PCOLCE2: variants seen among roughly 807,000 people sequenced by gnomAD.
The protein encoded by PCOLCE2 is procollagen C-proteinase enhancer 2.
Under a neutral mutation model 47.0 loss-of-function variants are expected in PCOLCE2, and 42 were observed. That is an observed-to-expected ratio of 0.89 (90% CI 0.70 to 1.16). The LOEUF (loss-of-function observed/expected upper bound fraction) is 1.16, where lower values mean the gene tolerates loss of function less well. Ranked by LOEUF, PCOLCE2 falls within the 50% of genes most tolerant of loss-of-function variation. The pLI is 0.00. For missense variants in PCOLCE2, 500 were observed against 526.1 expected, an observed-to-expected ratio of 0.95 and a Z score of 0.49; for synonymous variants, 169 against 191.7, an observed-to-expected ratio of 0.88 and a Z score of 0.98.
chr3:142,840,802 G>A (rs550370104), intron 4 of PCOLCE2, among the ~76,000 whole-genome samples: 1 of 152,254 alleles, frequency 6.6e-6, no homozygotes, highest in Non-Finnish European at 1.5e-5. Context: ...AAGGCTGGGC[G>A]TGGTGGCTCA....
At chr3:142,848,869 C>T (rs1028682196) in intron 2 of PCOLCE2, among the ~76,000 whole-genome samples, 1 of 152,138 alleles carries the variant, frequency 6.6e-6, no homozygotes, top group African/African-American at 2.4e-5. Flanking sequence ...AATATCATTT[C>T]TTGGCCAGGC....
At chr3:142,841,145 T>A (rs910530277) in intron 4 of PCOLCE2, among the ~76,000 whole-genome samples, 1 of 149,742 alleles carries the variant, frequency 6.7e-6, no homozygotes, top group Non-Finnish European at 1.5e-5. Context: ...AAGAAGAAGA[T>A]AAAGGAAAAG....
chr3:142,833,632 C>T (rs2108189716), intron 5 of PCOLCE2, among the ~76,000 whole-genome samples: 1 of 152,254 alleles, frequency 6.6e-6, no homozygotes, highest in East Asian at 1.9e-4. Context: ...CATTACAAAC[C>T]ATATTGCTGA....
At chr3:142,831,199 G>A (rs1385639360) in intron 5 of PCOLCE2, among the ~76,000 whole-genome samples, 1 of 152,270 alleles carries the variant, frequency 6.6e-6, no homozygotes, top group African/African-American at 2.4e-5. Context: ...ATTGGGTCAT[G>A]AGGGCTCTGC....
At chr3:142,880,274 T>C (rs9829037) in intron 2 of PCOLCE2, among the ~76,000 whole-genome samples, 5,510 of 151,628 alleles carry the variant, frequency 0.036, 337 homozygotes, top group African/African-American at 0.13. Flanking sequence ...GATTGAAATT[T>C]AAGTCTCTAT....
chr3:142,861,087 C>G (rs1277840639), intron 2 of PCOLCE2, among the ~76,000 whole-genome samples: 2 of 152,222 alleles, frequency 1.3e-5, no homozygotes, highest in African/African-American at 4.8e-5. Context: ...TTATTCTGTA[C>G]TCAACACTTG....
chr3:142,863,352 G>A (rs1329015702), intron 2 of PCOLCE2, among the ~76,000 whole-genome samples: 3 of 152,142 alleles, frequency 2.0e-5, no homozygotes, highest in Admixed American at 1.3e-4. Context: ...AGGGACAGAG[G>A]GTGTCATAAG....
intron 2 of PCOLCE2, among the ~76,000 whole-genome samples, chr3:142,863,586 T>C (rs987848919): frequency 1.3e-5 from 2 of 152,096 alleles, no homozygotes; most frequent in Non-Finnish European, 2.9e-5. Flanking sequence ...CTCACAAATG[T>C]GTAGCCTCAA....
intron 2 of PCOLCE2, among the ~76,000 whole-genome samples, chr3:142,878,901 T>C (rs141751964): frequency 9.9e-5 from 15 of 151,630 alleles, no homozygotes; most frequent in African/African-American, 3.1e-4. Flanking sequence ...GCCCTTTAAA[T>C]GTTTCTCTGG....
rs1291717076 is a variant in PCOLCE2, at chr3:142,821,039, G to A, written c.956C>T (p.Ala319Val). Residue 319 changes from alanine to valine, a missense_variant, in exon 8 of 9, where the codon GCC (alanine) becomes GTC (valine). Ala to Val is a moderately conservative substitution (Grantham distance 64). Coordinates refer to ENST00000295992, the MANE Select transcript of PCOLCE2 (RefSeq NM_013363.4). ...GNYCSSDFVL[A>V]GTVITTITRD... ...AGTGATGGTTGTGATAACAGTGCCG[G>A]CTAATACTGCAGAAGAAAACATTTT... The A allele has an allele frequency of 2.5e-6, 4 of 1,599,960 alleles. No homozygotes were observed. The highest frequency in any genetic ancestry group is 1.1e-5 in the South Asian group (1 of 90,462).
intron 5 of PCOLCE2, among the ~76,000 whole-genome samples, chr3:142,833,320 C>T (rs1204853507): frequency 6.6e-6 from 1 of 151,954 alleles, no homozygotes; most frequent in African/African-American, 2.4e-5. Flanking sequence ...TCCCAAGTAG[C>T]GGGGATTACA....
intron 6 of PCOLCE2, chr3:142,827,607 C>T (rs372239118): frequency 1.8e-5 from 27 of 1,473,766 alleles, no homozygotes; most frequent in East Asian, 2.3e-5. Flanking sequence ...CCGCAATACA[C>T]AAACTGGCCC....
At chr3:142,873,265 T>C (rs1175462414) in intron 2 of PCOLCE2, among the ~76,000 whole-genome samples, 4 of 151,802 alleles carry the variant, frequency 2.6e-5, no homozygotes, top group Non-Finnish European at 5.9e-5. Flanking sequence ...TGGTGGCAGG[T>C]GCCTGTAATC....
At chr3:142,869,477 T>A (rs757627200) in intron 2 of PCOLCE2, among the ~76,000 whole-genome samples, 2 of 152,210 alleles carry the variant, frequency 1.3e-5, no homozygotes, top group Non-Finnish European at 2.9e-5. Flanking sequence ...ATCTACATTC[T>A]GTAGAAAATC....
chr3:142,841,615 A>G (rs1453348216), intron 4 of PCOLCE2, among the ~76,000 whole-genome samples: 3 of 152,262 alleles, frequency 2.0e-5, no homozygotes, highest in Admixed American at 1.3e-4. Context: ...AAATGGCCAT[A>G]TATTTCTTCT....
chr3:142,843,320 G>A, intron 3 of PCOLCE2: 1 of 505,074 alleles, frequency 2.0e-6, no homozygotes, highest in African/African-American at 1.9e-5. Context: ...CTTAGACAAG[G>A]AAGACAAAAC....
intron 3 of PCOLCE2, among the ~76,000 whole-genome samples, chr3:142,844,718 G>C (rs904429709): frequency 6.6e-6 from 1 of 152,076 alleles, no homozygotes; most frequent in African/African-American, 2.4e-5. Flanking sequence ...CAAGTGTTTT[G>C]CCAATTTTTA....
At chr3:142,843,481 GAT>G (rs1006051480) in intron 3 of PCOLCE2, among the ~76,000 whole-genome samples, 1 of 150,258 alleles carries the variant, frequency 6.7e-6, no homozygotes. Flanking sequence ...AACTTCCCAT[GAT>G]ATATATATAA....
chr3:142,888,616 C>G (rs1933762567), intron 1 of PCOLCE2, 198 bp downstream of exon 1: 1 of 425,878 alleles, frequency 2.3e-6, no homozygotes, highest in African/African-American at 2.1e-5. Flanking sequence ...AGGAGGGAGC[C>G]CCGCGAGCAA....
Sources: allele counts gnomAD v4.1 joint callset (sites outside exome capture counted in the v4.1 genomes callset), GRCh38; gene constraint gnomAD v4.1.1; transcripts MANE v1.5; gene names NCBI Gene and HGNC (gene_info 2026-07-23, HGNC 2026-07-21).